The following NAXD variants were observed in gnomAD, a reference collection of about 807,000 sequenced individuals.
NAXD encodes the protein NAD(P)HX dehydratase, also known as ATP-dependent (S)-NAD(P)H-hydrate dehydratase.
In NAXD, 22 loss-of-function variants were observed where a neutral mutation model predicts 35.8. The ratio of observed to expected loss-of-function variants is 0.62; its 90% confidence interval spans 0.44 to 0.88. The LOEUF is 0.88. Ranked by LOEUF, NAXD falls within the 40% of genes least tolerant of loss-of-function variation. The pLI is 0.00. For synonymous variants in NAXD, 189 were observed against 177.6 expected, an observed-to-expected ratio of 1.06 and a Z score of -0.51; for missense variants, 428 against 437.7, an observed-to-expected ratio of 0.98 and a Z score of 0.20.
Position 110,638,627 on chromosome 13 carries a change from C to A in NAXD, c.*99C>A. 7.4e-7 allele frequency: 1 copy of A among 1,349,626 alleles called. No homozygotes were observed. The highest frequency in any genetic ancestry group is 1.0e-6 in the Non-Finnish European group (1 of 953,796). 83.6% of individuals were successfully genotyped at this position (1,349,626 alleles called of 1,614,324 possible). A position where few individuals can be genotyped will look rare whatever the true frequency, so the allele number is the denominator to read the frequency against. Reference sequence around the variant, plus strand: ...ACGCGTGTGCTGAAGGCGTACGGTGCTTGCCAGATTTTCAACTTGAGCATA... The same window carrying A: ...ACGCGTGTGCTGAAGGCGTACGGTGATTGCCAGATTTTCAACTTGAGCATA... On this transcript the variant is annotated 3_prime_UTR_variant, in exon 10 of 10. Transcript: ENST00000680254. The surrounding 1 kb of genome is among the most constrained non-coding windows in gnomAD (Gnocchi z 5.4).
intron 5 of NAXD, 41 bp downstream of exon 5, chr13:110,627,588 G>A: frequency 7.1e-7 from 1 of 1,409,468 alleles, no homozygotes; most frequent in South Asian, 1.2e-5. Flanking sequence ...GACAGGCTTA[G>A]CCTTAGGCGT....
rs1319791771 is a variant in NAXD at position 110,633,132 on chromosome 13, G to C, written c.442-1413G>C. Among the ~76,000 whole-genome samples, 59 of 152,216 alleles carry C rather than the reference G, an allele frequency of 3.9e-4. 1 individual carries two copies. Among genetic ancestry groups the C allele is most frequent in the Non-Finnish European group, 1.2e-4 (8 of 68,026 alleles). ...CGCACAGGAGCCCATGGAGGGGGTG[G>C]GAGGCTCAGGCATGGCGGGCTGCAG... On this transcript the variant is annotated intron_variant, in intron 5 of 9. Coordinates refer to ENST00000680254, the MANE Select transcript of NAXD (RefSeq NM_001242882.2).
chr13:110,638,351 C>T lies in NAXD; in HGVS notation c.840-27C>T. The T allele has an allele frequency of 6.2e-7, 1 of 1,613,992 alleles. No individual in the cohort carries two copies. Among genetic ancestry groups the T allele is most frequent in the African/African-American group, 1.3e-5 (1 of 75,066 alleles). ...CCGGACCACGACGCCCACTTCCCCA[C>T]ACCTCCTGCTGTCCCCCTCTCCGCA... On this transcript the variant is annotated intron_variant, in intron 9 of 9. Coordinates refer to ENST00000680254, the MANE Select transcript of NAXD (RefSeq NM_001242882.2). The surrounding 1 kb of genome is among the most constrained non-coding windows in gnomAD (Gnocchi z 5.4).
chr13:110,618,004 G>T (rs1035917459), intron 1 of NAXD, among the ~76,000 whole-genome samples: 2 of 152,122 alleles, frequency 1.3e-5, no homozygotes, highest in African/African-American at 4.8e-5. Flanking sequence ...CAGTAGTAGG[G>T]TGCTGATTCT....
At position 110,634,714 on chromosome 13, in the gene NAXD, G is replaced by A. The variant is rs776058028; in HGVS notation, c.535G>A (p.Gly179Ser). ...LVAQQPALIH[G>S]YRKAVLTPNH... is the part of the protein sequence containing the mutation. ...CGCTCAGCAGCCGGCCCTCATCCAT[G>A]GCTACCGGAAGGCTGTGCTCACTCC... The change falls in exon 7 of 10, where the codon GGC becomes AGC. Residue 179 changes from glycine to serine, a missense_variant. Around this residue, in one of 3 missense-constraint regions of NAXD, gnomAD observed 209 missense variants for 214.6 expected, o/e 0.97. Transcript: ENST00000680254. 10 of 1,614,174 alleles carry A rather than the reference G, an allele frequency of 6.2e-6. No individual in the cohort carries two copies. In the South Asian group the frequency reaches 1.1e-4, roughly 18 times the overall value.
rs1886010643 is a variant in NAXD, at chr13:110,615,588, C to T, written c.-14C>T. ...GACGGCGCGGGGGCAGCTGGGAATC[C>T]GGAATGCTGCCCGATGGCCCTGGGT... On this transcript the variant is annotated 5_prime_UTR_variant, in exon 1 of 10. Transcript: ENST00000680254. 3.7e-6 allele frequency: 5 copies of T among 1,358,810 alleles called. No homozygotes were observed. The highest frequency in any genetic ancestry group is 4.7e-6 in the Non-Finnish European group (5 of 1,055,096). 84.2% of individuals were successfully genotyped at this position (1,358,810 alleles called of 1,614,324 possible). A position where few individuals can be genotyped will look rare whatever the true frequency, so the allele number is the denominator to read the frequency against.
rs1000931243 is a variant in NAXD, at chr13:110,630,016, CT to C, written c.441+2478del. 2.2e-4 allele frequency among the ~76,000 whole-genome samples: 34 copies of C among 151,406 alleles called. 1 individual carries two copies. In the Middle Eastern group the frequency reaches 0.014, roughly 61 times the overall value. The stretch of plus-strand genomic sequence containing the variant: ...ATGTGCTCATTGGCTGTTTGGGTAT[CT>C]TTTTTTTTGTTTTTGTTTTGTTTTG... On this transcript the variant is annotated intron_variant, in intron 5 of 9. Transcript: ENST00000680254.
chr13:110,619,420 AGTT>A (rs1210215847), intron 1 of NAXD, among the ~76,000 whole-genome samples: 1 of 152,142 alleles, frequency 6.6e-6, no homozygotes, highest in Non-Finnish European at 1.5e-5. Flanking sequence ...ACCATTTAGG[AGTT>A]GTTTTCATCA....
intron 1 of NAXD, among the ~76,000 whole-genome samples, chr13:110,620,909 G>A (rs1354159845): frequency 6.6e-6 from 1 of 152,162 alleles, no homozygotes; most frequent in Admixed American, 6.5e-5. Context: ...TTCATTCTAG[G>A]GAGAATGTAT....
intron 5 of NAXD, among the ~76,000 whole-genome samples, chr13:110,631,796 C>A (rs1290765940): frequency 1.3e-5 from 2 of 152,156 alleles, no homozygotes; most frequent in Non-Finnish European, 2.9e-5. Flanking sequence ...AGGTACCTGC[C>A]TCCCTGGAAG....
rs138913056 is a variant in NAXD at position 110,617,260 on chromosome 13, G to T, written c.46+1613G>T. ...TAAGTAGAATTTTCCAGTACTAAAAGCACTTTTAGCACAAAGCAGCAGTGA... is the reference window on the plus strand; with the variant it reads ...TAAGTAGAATTTTCCAGTACTAAAATCACTTTTAGCACAAAGCAGCAGTGA... On this transcript the variant is annotated intron_variant, in intron 1 of 9. Transcript: ENST00000680254. Among the ~76,000 whole-genome samples the T allele has an allele frequency of 7.6e-4, 116 of 152,232 alleles. 2 individuals carry two copies. The highest frequency in any genetic ancestry group is 2.6e-3 in the African/African-American group (110 of 41,530).
chr13:110,615,639 G>A lies in NAXD; in HGVS notation c.38G>A (p.Cys13Tyr). ...CCTCGCTGTGGGGCAATCCGGGCTT[G>A]CAGACGAGGTAAGGTCGATTCCATT... ...LGPRCGAIRA[C>Y]RRVLERAFSL... is the part of the protein sequence containing the mutation. The change falls in exon 1 of 10, where the codon TGC becomes TAC. Residue 13 changes from cysteine to tyrosine, a missense_variant. Coordinates refer to ENST00000680254, the MANE Select transcript of NAXD (RefSeq NM_001242882.2). 2.7e-6 allele frequency: 4 copies of A among 1,493,424 alleles called. No homozygotes were observed. Among genetic ancestry groups the A allele is most frequent in the Non-Finnish European group, 3.5e-6 (4 of 1,126,760 alleles). 92.5% of individuals were successfully genotyped at this position (1,493,424 alleles called of 1,614,324 possible).
At chr13:110,633,736 T>C (rs925583529) in intron 5 of NAXD, among the ~76,000 whole-genome samples, 11 of 152,004 alleles carry the variant, frequency 7.2e-5, no homozygotes, top group African/African-American at 2.4e-4. Context: ...ATTACATATA[T>C]GTGTGTGTAT....
Position 110,627,542 on chromosome 13 carries a change from G to T in NAXD, c.436G>T (p.Val146Phe). ...LGRDDALLRN[V>F]QGILEVSKAR... ...TAGAGATGATGCGCTTCTCAGAAAT[G>T]TCCAGGTAATGTGTATACTCACTCA... The change falls in exon 5 of 10, where the codon GTC becomes TTC. Residue 146 changes from valine (V) to phenylalanine (F), a missense_variant. Physicochemically the swap from Val to Phe is conservative, Grantham distance 50. This residue lies in a region of NAXD where 208 missense variants were observed against 193.0 expected (regional missense o/e 1.08). Transcript: ENST00000680254. The T allele has an allele frequency of 6.2e-7, 1 of 1,610,886 alleles. No individual in the cohort carries two copies. The highest frequency in any genetic ancestry group is 8.5e-7 in the Non-Finnish European group (1 of 1,177,082).
chr13:110,638,662 C>T lies in NAXD; in HGVS notation c.*134C>T, dbSNP rs751014735. 7 of 1,037,570 alleles carry T rather than the reference C, an allele frequency of 6.7e-6. No individual in the cohort carries two copies. The highest frequency in any genetic ancestry group is 1.6e-5 in the African/African-American group (1 of 63,692). 64.3% of individuals were successfully genotyped at this position (1,037,570 alleles called of 1,614,324 possible). On this transcript the variant is annotated 3_prime_UTR_variant, in exon 10 of 10. Coordinates refer to ENST00000680254, the MANE Select transcript of NAXD (RefSeq NM_001242882.2). This position sits in a 1 kb window ranked among gnomAD's most constrained non-coding sequence, Gnocchi z 5.4. ...TTTCAACTTGAGCATAAATTGGTTG[C>T]CATTGAGAATTTAAGAATCTGGAAT...
At chr13:110,626,132 G>A (rs1197085010) in intron 4 of NAXD, among the ~76,000 whole-genome samples, 1 of 152,096 alleles carries the variant, frequency 6.6e-6, no homozygotes, top group Non-Finnish European at 1.5e-5. Flanking sequence ...TGTGGCTCTG[G>A]CCCTGAGTAA....
Position 110,615,550 on chromosome 13 carries a change from C to A in NAXD, c.-52C>A. The A allele has an allele frequency of 7.5e-7, 1 of 1,337,272 alleles. No homozygotes were observed. Among genetic ancestry groups the A allele is most frequent in the Non-Finnish European group, 9.6e-7 (1 of 1,043,740 alleles). 82.8% of individuals were successfully genotyped at this position (1,337,272 alleles called of 1,614,324 possible). A position where few individuals can be genotyped will look rare whatever the true frequency, so the allele number is the denominator to read the frequency against. The stretch of plus-strand genomic sequence containing the variant: ...GGAAACCGGAAAACGCTTCCAATGG[C>A]TGTGTTTCCGGCGACGGCGCGGGGG... On this transcript the variant is annotated 5_prime_UTR_variant, in exon 1 of 10. It adds an upstream start codon to the 5' untranslated region. Transcript: ENST00000680254.
Position 110,634,612 on chromosome 13 carries a change from C to T in NAXD, c.492+17C>T, listed in dbSNP as rs377115210. 14 of 1,614,166 alleles carry T rather than the reference C, an allele frequency of 8.7e-6. No individual in the cohort carries two copies. Among genetic ancestry groups the T allele is most frequent in the Non-Finnish European group, 1.1e-5 (13 of 1,179,994 alleles). ...ATCGACGCGGTGAGTTGACTTCTCT[C>T]CTCCTGGCTCGGACTCCCGGAAGGC... On this transcript the variant is annotated intron_variant, in intron 6 of 9. Transcript: ENST00000680254.
chr13:110,634,598 G>A lies in NAXD; in HGVS notation c.492+3G>A. On this transcript the variant is annotated splice_donor_region_variant and intron_variant, in intron 6 of 9. Coordinates refer to ENST00000680254, the MANE Select transcript of NAXD (RefSeq NM_001242882.2). ...ACATCCCTGTTGTCATCGACGCGGTGAGTTGACTTCTCTCCTCCTGGCTCG... is the reference window on the plus strand; with the variant it reads ...ACATCCCTGTTGTCATCGACGCGGTAAGTTGACTTCTCTCCTCCTGGCTCG... 6.2e-7 allele frequency: 1 copy of A among 1,614,220 alleles called. No individual in the cohort carries two copies. Among genetic ancestry groups the A allele is most frequent in the East Asian group, 2.2e-5 (1 of 44,878 alleles).
Sources: gnomAD v4.1 joint callset for allele counts (sites outside exome capture counted in the v4.1 genomes callset) on GRCh38, gnomAD v4.1.1 for gene constraint, gnomAD v4.1.1 regional missense constraint, Gnocchi (gnomAD v3.1) non-coding constraint, MANE v1.5 for transcripts, NCBI Gene and HGNC (gene_info 2026-07-23, HGNC 2026-07-21) for gene names.